Variants in ATP2B2 observed in about 807,000 individuals in gnomAD.
ATP2B2 encodes ATPase plasma membrane Ca2+ transporting 2, also known as plasma membrane calcium-transporting ATPase 2.
ATP2B2 carries 15 observed loss-of-function variants against 120.0 expected under a neutral mutation model. That is an observed-to-expected ratio of 0.12 (90% CI 0.08 to 0.19). ATP2B2 has a LOEUF of 0.19. Among genes scored for constraint, ATP2B2 ranks in the 10% least tolerant of loss-of-function variants. The pLI is 1.00. For missense variants in ATP2B2, 1,045 were observed against 1,719.8 expected, an observed-to-expected ratio of 0.61 and a Z score of 6.94; for synonymous variants, 694 against 700.3, an observed-to-expected ratio of 0.99 and a Z score of 0.14.
At chr3:10,415,343 G>GT (rs1189783374) in intron 2 of ATP2B2, among the ~76,000 whole-genome samples, 2 of 152,158 alleles carry the variant, frequency 1.3e-5, no homozygotes, top group Non-Finnish European at 2.9e-5. Context: ...AGACGTTCTG[G>GT]AGAGGAAGAC....
At chr3:10,490,307 T>A (rs967313884) in intron 1 of ATP2B2, among the ~76,000 whole-genome samples, 3 of 152,092 alleles carry the variant, frequency 2.0e-5, no homozygotes, top group Admixed American at 6.5e-5. Context: ...AATTTCCTCA[T>A]CTGTAAAATG....
At chr3:10,702,103 CT>C (rs2071828433) in intron 1 of ATP2B2, among the ~76,000 whole-genome samples, 1 of 152,110 alleles carries the variant, frequency 6.6e-6, no homozygotes, top group Admixed American at 6.5e-5. Flanking sequence ...GGGCTTCCCG[CT>C]ACCCAGAGTG....
chr3:10,705,883 G>T (rs969165742), intron 1 of ATP2B2, among the ~76,000 whole-genome samples: 2 of 152,076 alleles, frequency 1.3e-5, no homozygotes, highest in African/African-American at 4.8e-5. Flanking sequence ...TTTATTAATC[G>T]TGCCCTCTCT....
chr3:10,560,719 G>T (rs1204798634), intron 2 of ATP2B2, among the ~76,000 whole-genome samples: 1 of 152,114 alleles, frequency 6.6e-6, no homozygotes, highest in African/African-American at 2.4e-5. Context: ...CTCCAGGACT[G>T]CCCCCTGTGA....
At chr3:10,612,147 C>T (rs1435498566) in intron 2 of ATP2B2, among the ~76,000 whole-genome samples, 1 of 152,200 alleles carries the variant, frequency 6.6e-6, no homozygotes, top group Non-Finnish European at 1.5e-5. Context: ...GCTCTCTGGC[C>T]ACCAGGTGTG....
intron 2 of ATP2B2, among the ~76,000 whole-genome samples, chr3:10,578,802 A>C (rs1353530841): frequency 2.0e-5 from 3 of 152,182 alleles, no homozygotes; most frequent in Non-Finnish European, 4.4e-5. Context: ...GAAATAAGCC[A>C]GGCAGGAAGA....
In ATP2B2 at chr3:10,401,584, C is replaced by A. The variant is rs553832538; in HGVS notation, c.656-506G>T. Among the ~76,000 whole-genome samples, 11 of 152,322 alleles carry A rather than the reference C, an allele frequency of 7.2e-5. No individual in the cohort carries two copies. In the East Asian group the frequency reaches 2.1e-3, roughly 29 times the overall value. ...TTACCTAGGACATATCTGGCTCAAA[C>A]TCCCTTTGGTGCCAGCCTGCCCGTT... is the stretch of plus-strand genomic sequence containing the variant. On this transcript the variant is annotated intron_variant, in intron 4 of 22. Coordinates refer to ENST00000360273, the MANE Select transcript of ATP2B2 (RefSeq NM_001001331.4).
chr3:10,679,577 T>C (rs2071332518), intron 1 of ATP2B2, among the ~76,000 whole-genome samples: 3 of 152,280 alleles, frequency 2.0e-5, no homozygotes, highest in South Asian at 2.1e-4. Flanking sequence ...GAAGTTAAAG[T>C]TGGAGCAGGA....
rs2067772134 is a variant in ATP2B2, at chr3:10,556,082, A to G, written c.-414-21949T>C. On this transcript the variant is annotated intron_variant, in intron 2 of 21. Transcript: ENST00000646379. ...CTTGGCTAACTTTTGTATTTTTAGTAGAGACGAGGGTTTCACCATGTTGAC... is the reference window on the plus strand; with the variant it reads ...CTTGGCTAACTTTTGTATTTTTAGTGGAGACGAGGGTTTCACCATGTTGAC... Among the ~76,000 whole-genome samples, 5 of 152,180 alleles carry G rather than the reference A, an allele frequency of 3.3e-5. No individual in the cohort carries two copies. The South Asian group carries it at 1.0e-3, about 32-fold the overall frequency.
intron 2 of ATP2B2, among the ~76,000 whole-genome samples, chr3:10,545,975 A>G (rs893035072): frequency 1.3e-5 from 2 of 152,262 alleles, no homozygotes; most frequent in African/African-American, 4.8e-5. Flanking sequence ...TACTATGGTT[A>G]TGGTATGCAA....
At chr3:10,494,676 T>C (rs2066071272) in intron 1 of ATP2B2, among the ~76,000 whole-genome samples, 4 of 152,312 alleles carry the variant, frequency 2.6e-5, no homozygotes, top group Admixed American at 1.3e-4. Context: ...GCTAACCTGC[T>C]GTGTGACTGG....
At chr3:10,378,457 A>C (rs1490451759) in intron 9 of ATP2B2, 47 bp from the exon 10 acceptor site, 1 of 1,597,874 alleles carries the variant, frequency 6.3e-7, no homozygotes, top group South Asian at 1.1e-5. Flanking sequence ...ACACATAGAC[A>C]CACATGCAGG....
intron 2 of ATP2B2, among the ~76,000 whole-genome samples, chr3:10,585,301 C>A (rs1336499265): frequency 6.6e-6 from 1 of 150,550 alleles, no homozygotes; most frequent in Non-Finnish European, 1.5e-5. Context: ...CGAGACCATC[C>A]TGGCTAACCA....
At chr3:10,389,913 C>T (rs944242328) in intron 5 of ATP2B2, among the ~76,000 whole-genome samples, 1 of 152,214 alleles carries the variant, frequency 6.6e-6, no homozygotes, top group African/African-American at 2.4e-5. Flanking sequence ...CCAGTTCTAG[C>T]AGCGAGGGAA....
intron 1 of ATP2B2, among the ~76,000 whole-genome samples, chr3:10,702,768 G>A (rs76887942): frequency 0.062 from 9,465 of 152,250 alleles, 876 homozygotes; most frequent in African/African-American, 0.2. Context: ...TTATGTTACA[G>A]TGTCACAGTA....
chr3:10,471,553 G>A (rs1414825319), intron 1 of ATP2B2, among the ~76,000 whole-genome samples: 1 of 151,998 alleles, frequency 6.6e-6, no homozygotes, highest in Non-Finnish European at 1.5e-5. Context: ...GAACTTGAGA[G>A]GCTAGGAGTG....
intron 1 of ATP2B2, among the ~76,000 whole-genome samples, chr3:10,502,273 G>T (rs1411839131): frequency 6.6e-6 from 1 of 152,190 alleles, no homozygotes; most frequent in African/African-American, 2.4e-5. Flanking sequence ...GCCCTCTACA[G>T]TGTCCAGGGC....
At chr3:10,627,757 G>C (rs11713375) in intron 1 of ATP2B2, among the ~76,000 whole-genome samples, 9,204 of 152,276 alleles carry the variant, frequency 0.06, 346 homozygotes, top group Middle Eastern at 0.092. Context: ...CCTCTCCCCT[G>C]CTCTGGGAAT....
intron 12 of ATP2B2, among the ~76,000 whole-genome samples, chr3:10,369,982 T>C (rs1262177508): frequency 6.6e-6 from 1 of 152,124 alleles, no homozygotes; most frequent in African/African-American, 2.4e-5. Context: ...GAGGGGACTC[T>C]GGTGTCTGAG....
Sources: allele counts gnomAD v4.1 joint callset (sites outside exome capture counted in the v4.1 genomes callset), GRCh38; gene constraint gnomAD v4.1.1; transcripts MANE v1.5; gene names NCBI Gene and HGNC (gene_info 2026-07-23, HGNC 2026-07-21).